NTM: variants seen among roughly 807,000 people sequenced by gnomAD.
NTM encodes the protein IgLON family member 2.
Under a neutral mutation model 42.1 loss-of-function variants are expected in NTM, and 13 were observed. The observed-to-expected ratio is 0.31, with a 90% CI of 0.20 to 0.49. The LOEUF (loss-of-function observed/expected upper bound fraction) is 0.49, where lower values mean the gene tolerates loss of function less well. Among genes scored for constraint, NTM ranks in the 20% least tolerant of loss-of-function variants. The pLI is 0.99. For synonymous variants in NTM, 187 were observed against 179.2 expected, an observed-to-expected ratio of 1.04 and a Z score of -0.35; for missense variants, 373 against 452.8, an observed-to-expected ratio of 0.82 and a Z score of 1.60.
chr11:132,206,534 G>A (rs1233834495), intron 3 of NTM, among the ~76,000 whole-genome samples: 1 of 152,220 alleles, frequency 6.6e-6, no homozygotes, highest in Non-Finnish European at 1.5e-5. Context: ...GGTTCAGACA[G>A]TTATTAGCTC....
rs886392831 is a variant in NTM, at chr11:131,672,674, A to T, written c.83-238890A>T. Among the ~76,000 whole-genome samples, 3 of 152,222 alleles carry T rather than the reference A, an allele frequency of 2.0e-5. No homozygotes were observed. In the East Asian group the frequency reaches 5.8e-4, roughly 29 times the overall value. On this transcript the variant is annotated intron_variant, in intron 1 of 8. Transcript: ENST00000683400. ...CACTAGACTCTGGTGCCAATAGGAA[A>T]GGGACACAATTCTACTTAGGTATTT...
intron 2 of NTM, among the ~76,000 whole-genome samples, chr11:132,107,383 G>C (rs10894501): frequency 0.59 from 74,966 of 127,324 alleles, 21,373 homozygotes; most frequent in Middle Eastern, 0.69. Flanking sequence ...CAGGGTTTCA[G>C]TCTGTTGCCT....
intron 2 of NTM, among the ~76,000 whole-genome samples, chr11:131,935,524 G>A (rs2059114464): frequency 6.6e-6 from 1 of 151,842 alleles, no homozygotes; most frequent in African/African-American, 2.4e-5. Context: ...GAATTGGAGG[G>A]TTACATGCAT....
intron 2 of NTM, among the ~76,000 whole-genome samples, chr11:131,943,488 C>G (rs2060021582): frequency 6.6e-6 from 1 of 152,232 alleles, no homozygotes; most frequent in Non-Finnish European, 1.5e-5. Flanking sequence ...CCCTGTTTCT[C>G]TTTTCTGAGT....
At chr11:131,838,404 G>A (rs1263162962) in intron 1 of NTM, among the ~76,000 whole-genome samples, 1 of 152,218 alleles carries the variant, frequency 6.6e-6, no homozygotes, top group Non-Finnish European at 1.5e-5. Context: ...TAAAAGGTCA[G>A]AGCAATGGCT....
At chr11:131,548,350 C>T (rs558783202) in intron 1 of NTM, among the ~76,000 whole-genome samples, 3 of 152,174 alleles carry the variant, frequency 2.0e-5, no homozygotes, top group African/African-American at 7.2e-5. Context: ...CCAGGTGATG[C>T]CTCAAGGAAT....
At chr11:132,272,185 CTG>C (rs2093512685) in intron 4 of NTM, among the ~76,000 whole-genome samples, 1 of 152,064 alleles carries the variant, frequency 6.6e-6, no homozygotes, top group Non-Finnish European at 1.5e-5. Context: ...TTGATCATAA[CTG>C]TGGGGTGGGA....
intron 1 of NTM, among the ~76,000 whole-genome samples, chr11:131,372,486 T>G (rs1941356442): frequency 6.6e-6 from 1 of 152,060 alleles, no homozygotes; most frequent in Non-Finnish European, 1.5e-5. Flanking sequence ...CCCTGCTTGT[T>G]CTGGGTGCAC....
At chr11:132,046,893 T>A (rs11222885) in intron 2 of NTM, among the ~76,000 whole-genome samples, 4 of 152,184 alleles carry the variant, frequency 2.6e-5, no homozygotes, top group Non-Finnish European at 4.4e-5. Flanking sequence ...AATCTATCTG[T>A]TATCTATCTA....
intron 2 of NTM, among the ~76,000 whole-genome samples, chr11:132,034,969 C>T: frequency 6.6e-6 from 1 of 152,170 alleles, no homozygotes; most frequent in Non-Finnish European, 1.5e-5. Flanking sequence ...CTCCTAGCAT[C>T]TTGATTATTC....
At chr11:131,774,231 C>T in intron 1 of NTM, 2 of 409,612 alleles carry the variant, frequency 4.9e-6, no homozygotes, top group Non-Finnish European at 6.6e-6. Context: ...CTGATTTTTG[C>T]CCCTTACAAC....
At chr11:131,983,859 G>A (rs763848017) in intron 2 of NTM, among the ~76,000 whole-genome samples, 14 of 152,280 alleles carry the variant, frequency 9.2e-5, no homozygotes, top group East Asian at 1.9e-4. Context: ...AACACATGAC[G>A]TCCAAAGTTC....
intron 1 of NTM, among the ~76,000 whole-genome samples, chr11:131,752,463 T>C (rs1457698466): frequency 6.6e-6 from 1 of 152,220 alleles, no homozygotes; most frequent in Non-Finnish European, 1.5e-5. Flanking sequence ...AGTTCAACCA[T>C]TGTGGAAGTC....
At chr11:132,261,952 T>G (rs2092884831) in intron 4 of NTM, among the ~76,000 whole-genome samples, 1 of 152,194 alleles carries the variant, frequency 6.6e-6, no homozygotes, top group Non-Finnish European at 1.5e-5. Flanking sequence ...CCCATGGGCA[T>G]CCATTAAGGA....
intron 2 of NTM, among the ~76,000 whole-genome samples, chr11:132,034,998 G>A (rs2076342632): frequency 6.6e-6 from 1 of 152,186 alleles, no homozygotes; most frequent in African/African-American, 2.4e-5. Flanking sequence ...ACTTGTTTAT[G>A]CTCATATTTC....
At chr11:131,612,241 T>G (rs1219571832) in intron 1 of NTM, among the ~76,000 whole-genome samples, 2 of 152,182 alleles carry the variant, frequency 1.3e-5, no homozygotes, top group African/African-American at 2.4e-5. Context: ...ACCTCTGACT[T>G]CAACCTCATA....
chr11:131,737,931 G>A (rs11222757), intron 1 of NTM, among the ~76,000 whole-genome samples: 22,361 of 152,114 alleles, frequency 0.15, 1,948 homozygotes, highest in East Asian at 0.3. Context: ...TTTTTGATAT[G>A]AAAATTAATT....
At chr11:132,276,791 C>T (rs1381596240) in intron 4 of NTM, among the ~76,000 whole-genome samples, 1 of 152,102 alleles carries the variant, frequency 6.6e-6, no homozygotes, top group Admixed American at 6.6e-5. Context: ...GTTCCTGCAG[C>T]CTCTACCTGT....
chr11:131,883,818 C>G (rs1362947714), intron 1 of NTM, among the ~76,000 whole-genome samples: 1 of 152,148 alleles, frequency 6.6e-6, no homozygotes, highest in African/African-American at 2.4e-5. Flanking sequence ...CTACCACCCC[C>G]TAAAAGTAGA....
Sources: gnomAD v4.1 joint callset for allele counts (sites outside exome capture counted in the v4.1 genomes callset) on GRCh38, gnomAD v4.1.1 for gene constraint, MANE v1.5 for transcripts, NCBI Gene and HGNC (gene_info 2026-07-23, HGNC 2026-07-21) for gene names.